LURAP1L: variants seen among roughly 807,000 people sequenced by gnomAD.
LURAP1L encodes leucine rich adaptor protein 1 like.
A neutral mutation model predicts 13.8 loss-of-function variants in LURAP1L; 12 were observed. The ratio of observed to expected loss-of-function variants is 0.87; its 90% CI spans 0.56 to 1.41. The LOEUF (loss-of-function observed/expected upper bound fraction) is 1.41, where lower values mean the gene tolerates loss of function less well. Ranked by LOEUF, LURAP1L falls within the 40% of genes most tolerant of loss-of-function variation. LURAP1L has a pLI of 0.00. For synonymous variants in LURAP1L, 139 were observed against 119.2 expected, an observed-to-expected ratio of 1.17 and a Z score of -1.08; for missense variants, 375 against 292.9, an observed-to-expected ratio of 1.28 and a Z score of -2.04.
intron 1 of LURAP1L, among the ~76,000 whole-genome samples, chr9:12,816,062 A>G (rs777933642): frequency 6.6e-6 from 1 of 152,190 alleles, no homozygotes; most frequent in Non-Finnish European, 1.5e-5. Flanking sequence ...CTCATAACGT[A>G]AACAATTTCG....
At chr9:12,785,095 G>T (rs1017646668) in intron 1 of LURAP1L, among the ~76,000 whole-genome samples, 1 of 149,536 alleles carries the variant, frequency 6.7e-6, no homozygotes, top group Admixed American at 6.6e-5. Flanking sequence ...GCCAGGCCTG[G>T]TTATCTCCCT....
chr9:12,799,982 A>T (rs1819562502), intron 1 of LURAP1L, among the ~76,000 whole-genome samples: 1 of 152,126 alleles, frequency 6.6e-6, no homozygotes, highest in Non-Finnish European at 1.5e-5. Context: ...CTACAGTCAG[A>T]TGAATTAACA....
intron 1 of LURAP1L, among the ~76,000 whole-genome samples, chr9:12,819,534 G>T (rs1819845811): frequency 6.6e-6 from 1 of 152,164 alleles, no homozygotes; most frequent in Admixed American, 6.5e-5. Flanking sequence ...AGTCATCCAA[G>T]AATGAATGTC....
chr9:12,794,387 G>C (rs900450620), intron 1 of LURAP1L, among the ~76,000 whole-genome samples: 2 of 151,816 alleles, frequency 1.3e-5, no homozygotes, highest in Admixed American at 1.3e-4. Context: ...AGTTGATTTT[G>C]TGTCAACAAG....
At chr9:12,814,805 G>T (rs1186809572) in intron 1 of LURAP1L, among the ~76,000 whole-genome samples, 4 of 152,100 alleles carry the variant, frequency 2.6e-5, no homozygotes, top group South Asian at 2.1e-4. Flanking sequence ...TTTCTATAAC[G>T]TTCTGGGAAA....
In LURAP1L at chr9:12,775,524, A is replaced by AC. The variant is rs1819156811; in HGVS notation, c.-186dup. On this transcript the variant is annotated 5_prime_UTR_variant, in exon 1 of 2. Coordinates refer to ENST00000319264, the MANE Select transcript of LURAP1L (RefSeq NM_203403.2). ...CAGCGGACTGGGAACTGCAGCTGCG[A>AC]CCCCCCGCGTCCTGTGCGGATTTCA... The AC allele has an allele frequency of 1.8e-5, 14 of 775,090 alleles. No individual in the cohort carries two copies. Among genetic ancestry groups the AC allele is most frequent in the East Asian group, 1.3e-4 (4 of 31,154 alleles). 48.0% of individuals were successfully genotyped at this position (775,090 alleles called of 1,614,324 possible).
intron 1 of LURAP1L, among the ~76,000 whole-genome samples, chr9:12,784,895 G>A (rs144751869): frequency 6.6e-6 from 1 of 151,834 alleles, no homozygotes; most frequent in East Asian, 2.0e-4. Flanking sequence ...ACTTGGTAAA[G>A]CTACTTGGTA....
intron 1 of LURAP1L, among the ~76,000 whole-genome samples, chr9:12,807,042 A>C (rs1197328720): frequency 4.6e-5 from 6 of 130,658 alleles, no homozygotes; most frequent in Non-Finnish European, 9.6e-5. Context: ...AAAAAAAAAA[A>C]AAATGAGACT....
chr9:12,779,430 A>G (rs1471600491), intron 1 of LURAP1L, among the ~76,000 whole-genome samples: 1 of 151,884 alleles, frequency 6.6e-6, no homozygotes, highest in Non-Finnish European at 1.5e-5. Context: ...ACCTGCAACC[A>G]CGCCCGGCTA....
chr9:12,809,951 C>T (rs1819714084), intron 1 of LURAP1L, among the ~76,000 whole-genome samples: 1 of 152,050 alleles, frequency 6.6e-6, no homozygotes, highest in Non-Finnish European at 1.5e-5. Flanking sequence ...TTGATGTGGT[C>T]GCAAGGTGTG....
chr9:12,787,876 T>A (rs540985986), intron 1 of LURAP1L, among the ~76,000 whole-genome samples: 6 of 151,804 alleles, frequency 4.0e-5, no homozygotes, highest in Admixed American at 1.3e-4. Flanking sequence ...ACTTTGGGGG[T>A]TGAGGCAGGT....
chr9:12,777,340 C>A (rs922150358), intron 1 of LURAP1L: 1 of 985,174 alleles, frequency 1.0e-6, no homozygotes, highest in East Asian at 1.1e-4. Flanking sequence ...ATGCCTGATA[C>A]CGTATCACAA....
chr9:12,782,984 G>A (rs1383805195), intron 1 of LURAP1L, among the ~76,000 whole-genome samples: 1 of 151,916 alleles, frequency 6.6e-6, no homozygotes, highest in Non-Finnish European at 1.5e-5. Flanking sequence ...TATTTTAAAT[G>A]GGATTACTTC....
At position 12,786,146 on chromosome 9, in the gene LURAP1L, C is replaced by T. The variant is rs184055622; in HGVS notation, c.312+10119C>T. Among the ~76,000 whole-genome samples, 588 of 152,132 alleles carry T rather than the reference C, an allele frequency of 3.9e-3. 2 individuals are homozygous for T. Among genetic ancestry groups the T allele is most frequent in the African/African-American group, 0.014 (565 of 41,508 alleles). On this transcript the variant is annotated intron_variant, in intron 1 of 1. Coordinates refer to ENST00000319264, the MANE Select transcript of LURAP1L (RefSeq NM_203403.2). ...AGTATTATGTCATTTCATTCTCATG[C>T]CTCACCCACTTATGAGGTAGACACT...
chr9:12,813,788 A>G (rs1276155652), intron 1 of LURAP1L, among the ~76,000 whole-genome samples: 2 of 152,214 alleles, frequency 1.3e-5, no homozygotes, highest in African/African-American at 2.4e-5. Context: ...TTTAATTAAT[A>G]TAGTTTTCAC....
At chr9:12,801,507 C>A (rs1420170031) in intron 1 of LURAP1L, among the ~76,000 whole-genome samples, 2 of 152,042 alleles carry the variant, frequency 1.3e-5, no homozygotes, top group Non-Finnish European at 2.9e-5. Context: ...CTCAAACCAT[C>A]TATTACTTTA....
At chr9:12,809,675 C>A (rs1266971602) in intron 1 of LURAP1L, among the ~76,000 whole-genome samples, 1 of 152,134 alleles carries the variant, frequency 6.6e-6, no homozygotes, top group Non-Finnish European at 1.5e-5. Flanking sequence ...TTTAGAGTGG[C>A]TTGTAATTCT....
At position 12,802,777 on chromosome 9, in the gene LURAP1L, C is replaced by T. The variant is rs1010438595; in HGVS notation, c.313-18609C>T. On this transcript the variant is annotated intron_variant, in intron 1 of 1. Transcript: ENST00000319264. ...ACGGCATCTCTCGGGGTTATCTTTGCTCAATATTCCAGATCCTCCATGAAT... is the reference window on the plus strand; with the variant it reads ...ACGGCATCTCTCGGGGTTATCTTTGTTCAATATTCCAGATCCTCCATGAAT... Among the ~76,000 whole-genome samples, 4 of 152,144 alleles carry T rather than the reference C, an allele frequency of 2.6e-5. No homozygotes were observed. The South Asian group carries it at 6.2e-4, about 24-fold the overall frequency.
chr9:12,813,178 C>T (rs1039419235), intron 1 of LURAP1L, among the ~76,000 whole-genome samples: 1 of 152,060 alleles, frequency 6.6e-6, no homozygotes, highest in Non-Finnish European at 1.5e-5. Flanking sequence ...GATGTGTGAG[C>T]TTTTTGTTAA....
Sources: allele counts gnomAD v4.1 joint callset (sites outside exome capture counted in the v4.1 genomes callset), GRCh38; gene constraint gnomAD v4.1.1; transcripts MANE v1.5; gene names NCBI Gene and HGNC (gene_info 2026-07-23, HGNC 2026-07-21).